The following R3HDM1 variants were observed in gnomAD, a reference collection of about 807,000 sequenced individuals.
R3HDM1 encodes the protein R3H domain containing 1.
A neutral mutation model predicts 141.1 loss-of-function variants in R3HDM1; 46 were observed. The observed-to-expected ratio is 0.33, with a 90% confidence interval of 0.26 to 0.42. R3HDM1 has a LOEUF of 0.42. R3HDM1 is among the 10% of genes least tolerant of loss of function. R3HDM1 has a pLI of 1.00. For missense variants in R3HDM1, 1,184 were observed against 1,368.3 expected, an observed-to-expected ratio of 0.87 and a Z score of 2.12; for synonymous variants, 435 against 472.9, an observed-to-expected ratio of 0.92 and a Z score of 1.04.
intron 1 of R3HDM1, chr2:135,559,057 G>A: frequency 1.2e-6 from 1 of 833,068 alleles, no homozygotes; most frequent in Non-Finnish European, 1.4e-6. Flanking sequence ...CAAAGTGTGT[G>A]TGTGTGTGTG....
chr2:135,609,729 A>C (rs919959716), intron 3 of R3HDM1, among the ~76,000 whole-genome samples: 2 of 152,104 alleles, frequency 1.3e-5, no homozygotes, highest in African/African-American at 4.8e-5. Context: ...CTTCGCGGAT[A>C]GGTTTTTCAG....
intron 1 of R3HDM1, among the ~76,000 whole-genome samples, chr2:135,560,143 C>T (rs1465133917): frequency 2.6e-5 from 4 of 152,170 alleles, no homozygotes; most frequent in African/African-American, 9.7e-5. Flanking sequence ...GATTTTTCCA[C>T]TCTAAACCAC....
At chr2:135,666,125 C>CGA (rs1394394343) in intron 19 of R3HDM1, among the ~76,000 whole-genome samples, 2 of 152,214 alleles carry the variant, frequency 1.3e-5, no homozygotes, top group Admixed American at 1.3e-4. Context: ...TCCTGATGAA[C>CGA]GACACTATGG....
chr2:135,660,656 G>A (rs780252302), intron 18 of R3HDM1, among the ~76,000 whole-genome samples: 35 of 152,110 alleles, frequency 2.3e-4, no homozygotes, highest in Non-Finnish European at 3.4e-4. Flanking sequence ...GACCAGCCTG[G>A]CCAACGTGGT....
chr2:135,597,704 T>C (rs2059308868), intron 1 of R3HDM1, among the ~76,000 whole-genome samples: 1 of 152,210 alleles, frequency 6.6e-6, no homozygotes, highest in African/African-American at 2.4e-5. Context: ...ACCCTTTTTT[T>C]TGGGCTTTGC....
chr2:135,638,512 TAA>T, intron 11 of R3HDM1, 104 bp from the exon 12 acceptor site: 1 of 1,188,658 alleles, frequency 8.4e-7, no homozygotes, highest in Non-Finnish European at 1.2e-6. Context: ...TCACCATTTT[TAA>T]CTTACATTAT....
chr2:135,652,477 A>T (rs1322166311), intron 18 of R3HDM1, among the ~76,000 whole-genome samples: 1 of 152,222 alleles, frequency 6.6e-6, no homozygotes, highest in Non-Finnish European at 1.5e-5. Flanking sequence ...ATATTTAACT[A>T]ACTTTTAATT....
chr2:135,723,914 A>G, intron 26 of R3HDM1, 23 bp from the exon 27 acceptor site: 2 of 1,572,132 alleles, frequency 1.3e-6, no homozygotes, highest in Non-Finnish European at 1.7e-6. Flanking sequence ...GAATGTATTG[A>G]TTCTGTACCT....
At chr2:135,622,467 A>G (rs745831594) in intron 6 of R3HDM1, 187 bp from the exon 7 acceptor site, 51 of 983,878 alleles carry the variant, frequency 5.2e-5, no homozygotes, top group Middle Eastern at 5.2e-4. Context: ...AACTCATGTC[A>G]TGCACATTAT....
chr2:135,688,457 T>C (rs1368786965), intron 21 of R3HDM1, among the ~76,000 whole-genome samples: 3 of 152,102 alleles, frequency 2.0e-5, no homozygotes, highest in African/African-American at 7.2e-5. Context: ...GATGAATGAG[T>C]TTATCTTCCT....
At chr2:135,689,253 A>G (rs2071918825) in intron 21 of R3HDM1, among the ~76,000 whole-genome samples, 1 of 152,196 alleles carries the variant, frequency 6.6e-6, no homozygotes, top group Admixed American at 6.5e-5. Flanking sequence ...AACTTTACAC[A>G]TTAGCAGAGA....
intron 1 of R3HDM1, among the ~76,000 whole-genome samples, chr2:135,574,868 T>TAA (rs1298306359): frequency 6.6e-6 from 1 of 152,152 alleles, no homozygotes; most frequent in East Asian, 1.9e-4. Flanking sequence ...ATCTTATATA[T>TAA]AATGGGAAAT....
At chr2:135,706,692 G>A (rs1370912954) in intron 21 of R3HDM1, among the ~76,000 whole-genome samples, 1 of 152,058 alleles carries the variant, frequency 6.6e-6, no homozygotes, top group Non-Finnish European at 1.5e-5. Context: ...ACAGGGTTGG[G>A]GGTAAGGTCA....
intron 1 of R3HDM1, among the ~76,000 whole-genome samples, chr2:135,567,798 G>A (rs1261180042): frequency 1.3e-5 from 2 of 150,710 alleles, no homozygotes; most frequent in African/African-American, 4.9e-5. Context: ...GGAGTGCAGA[G>A]GCACAGTCAT....
At chr2:135,632,325 AT>A (rs1194325109) in intron 9 of R3HDM1, among the ~76,000 whole-genome samples, 7 of 137,236 alleles carry the variant, frequency 5.1e-5, no homozygotes, top group Middle Eastern at 4.4e-3. Flanking sequence ...CCTTAGTCAA[AT>A]TTAAAAAAAA....
At chr2:135,537,144 C>A (rs1302642385) in intron 1 of R3HDM1, among the ~76,000 whole-genome samples, 4 of 149,704 alleles carry the variant, frequency 2.7e-5, no homozygotes, top group Non-Finnish European at 5.9e-5. Flanking sequence ...TGTTACCTTG[C>A]CCCTCAGTGG....
At chr2:135,595,042 A>G (rs141187288) in intron 1 of R3HDM1, among the ~76,000 whole-genome samples, 2 of 151,318 alleles carry the variant, frequency 1.3e-5, no homozygotes, top group African/African-American at 2.4e-5. Flanking sequence ...CAAAACTTCA[A>G]TCTATATAGT....
At chr2:135,679,611 A>C (rs1309484530) in intron 20 of R3HDM1, among the ~76,000 whole-genome samples, 1 of 152,178 alleles carries the variant, frequency 6.6e-6, no homozygotes, top group Non-Finnish European at 1.5e-5. Flanking sequence ...TTATGTGGAA[A>C]GTTTCTTTTT....
intron 23 of R3HDM1, among the ~76,000 whole-genome samples, chr2:135,713,559 G>C (rs1329801101): frequency 6.6e-6 from 1 of 152,194 alleles, no homozygotes; most frequent in Non-Finnish European, 1.5e-5. Context: ...TTGAAAAACT[G>C]TGAACAGTCT....
Sources: allele counts gnomAD v4.1 joint callset (sites outside exome capture counted in the v4.1 genomes callset), GRCh38; gene constraint gnomAD v4.1.1; transcripts MANE v1.5; gene names NCBI Gene and HGNC (gene_info 2026-07-23, HGNC 2026-07-21).